The following GPCPD1 variants were observed in gnomAD, a reference collection of about 807,000 sequenced individuals.
GPCPD1 encodes glycerophosphocholine phosphodiesterase 1.
In GPCPD1, 29 loss-of-function variants were observed where a neutral mutation model predicts 89.2. That is an observed-to-expected ratio of 0.33 (90% CI 0.24 to 0.44). The LOEUF (loss-of-function observed/expected upper bound fraction) is 0.44, where lower values mean the gene tolerates loss of function less well. Ranked by LOEUF, GPCPD1 falls within the 20% of genes least tolerant of loss-of-function variation. The probability of loss-of-function intolerance (pLI) is 1.00; values close to 1 mark genes in which losing one functional copy is unlikely to be tolerated. For synonymous variants in GPCPD1, 258 were observed against 266.3 expected (o/e 0.97, Z 0.30); for missense variants, 594 against 808.9 (o/e 0.73, Z 3.22).
chr20:5,576,554 CTA>C, intron 8 of GPCPD1, among the ~76,000 whole-genome samples: 1 of 152,090 alleles, frequency 6.6e-6, no homozygotes, highest in Non-Finnish European at 1.5e-5. Flanking sequence ...GATGGCTTCT[CTA>C]TGATTAAATA....
intron 11 of GPCPD1, among the ~76,000 whole-genome samples, chr20:5,571,764 C>T (rs1164698935): frequency 2.6e-5 from 4 of 152,104 alleles, no homozygotes; most frequent in African/African-American, 4.8e-5. Context: ...CAAAAATTAG[C>T]TGGGCATGGT....
intron 8 of GPCPD1, among the ~76,000 whole-genome samples, chr20:5,577,766 G>C (rs1012304112): frequency 6.6e-6 from 1 of 152,056 alleles, no homozygotes; most frequent in East Asian, 1.9e-4. Context: ...CCACTACCGA[G>C]CCAGGCCCAC....
intron 11 of GPCPD1, among the ~76,000 whole-genome samples, chr20:5,572,114 G>A (rs1281065235): frequency 6.6e-6 from 1 of 151,902 alleles, no homozygotes; most frequent in East Asian, 1.9e-4. Flanking sequence ...AGCTACTTGA[G>A]AGGCCAAAGC....
At chr20:5,575,355 T>A (rs1978286507) in intron 10 of GPCPD1, 58 bp downstream of exon 10, 4 of 1,230,376 alleles carry the variant, frequency 3.3e-6, no homozygotes, top group Non-Finnish European at 4.6e-6. Context: ...AAAACCAGTG[T>A]AACTCTACCG....
Position 5,568,251 on chromosome 20 carries a change from G to GTA in GPCPD1, c.1150-693_1150-692dup, listed in dbSNP as rs200691996. Reference sequence around the variant, plus strand: ...CTTAGTATATATATATATATACTTAGTATATATATATACTAAAATCCATCA... The same window carrying GTA: ...CTTAGTATATATATATATATACTTAGTATATATATATATACTAAAATCCATCA... On this transcript the variant is annotated intron_variant, in intron 12 of 19. Transcript: ENST00000379019. Among the ~76,000 whole-genome samples the GTA allele has an allele frequency of 5.7e-3, 823 of 145,180 alleles. 5 individuals are homozygous for GTA. The highest frequency in any genetic ancestry group is 0.02 in the African/African-American group (765 of 38,386).
At chr20:5,575,572 C>A in intron 9 of GPCPD1, 27 bp from the exon 10 acceptor site, 6 of 1,474,916 alleles carry the variant, frequency 4.1e-6, no homozygotes, top group East Asian at 2.3e-5. Context: ...GAGGGAGGAA[C>A]AAAAATAAAA....
chr20:5,594,252 G>A (rs1053947720), intron 3 of GPCPD1, among the ~76,000 whole-genome samples: 5 of 152,014 alleles, frequency 3.3e-5, no homozygotes, highest in African/African-American at 1.2e-4. Context: ...GAACTCTGGG[G>A]GTGGGGGCCC....
chr20:5,547,555 T>A lies in GPCPD1; in HGVS notation c.*106A>T, dbSNP rs1276726758. On this transcript the variant is annotated 3_prime_UTR_variant, in exon 20 of 20. Transcript: ENST00000379019. Reference sequence around the variant, plus strand: ...AGTTAAATACTTCATTATTGCTTCATTGAACTGAGAAGCCCAAAAGGCATA... The same window carrying A: ...AGTTAAATACTTCATTATTGCTTCAATGAACTGAGAAGCCCAAAAGGCATA... The A allele has an allele frequency of 6.9e-6, 4 of 578,672 alleles. No homozygotes were observed. Among genetic ancestry groups the A allele is most frequent in the Non-Finnish European group, 1.3e-5 (4 of 319,152 alleles). The allele number at this position is 578,672 out of a possible 1,614,324, so 35.8% of individuals were successfully genotyped here.
intron 14 of GPCPD1, among the ~76,000 whole-genome samples, chr20:5,565,860 TA>T (rs1012237145): frequency 1.5e-4 from 22 of 151,702 alleles, no homozygotes; most frequent in Non-Finnish European, 2.8e-4. Context: ...CAATATAGAC[TA>T]AAAAAAAGAA....
chr20:5,610,041 T>C (rs1474304941), intron 1 of GPCPD1, among the ~76,000 whole-genome samples: 1 of 152,168 alleles, frequency 6.6e-6, no homozygotes, highest in African/African-American at 2.4e-5. Flanking sequence ...TCAGTTCCTC[T>C]ATGCAGGTCT....
At chr20:5,598,672 C>T (rs1346128425) in intron 3 of GPCPD1, 53 bp downstream of exon 3, 2 of 1,033,904 alleles carry the variant, frequency 1.9e-6, no homozygotes, top group African/African-American at 1.6e-5. Context: ...AAGCCCCTAA[C>T]ATCATAAGGT....
intron 6 of GPCPD1, among the ~76,000 whole-genome samples, chr20:5,583,573 G>C (rs1242730228): frequency 6.6e-6 from 1 of 152,056 alleles, no homozygotes; most frequent in Non-Finnish European, 1.5e-5. Context: ...AGAATTCTCA[G>C]GATATAGTAT....
At chr20:5,604,275 C>G (rs965994880) in intron 2 of GPCPD1, 89 bp downstream of exon 2, 1 of 742,200 alleles carries the variant, frequency 1.3e-6, no homozygotes, top group African/African-American at 1.8e-5. Context: ...ATCAGGCCCA[C>G]TCTAATAGCA....
intron 19 of GPCPD1, 30 bp downstream of exon 19, chr20:5,557,909 TAAATTC>T (rs1985868585): frequency 8.2e-7 from 1 of 1,226,506 alleles, no homozygotes; most frequent in Non-Finnish European, 1.2e-6. Context: ...TCTATACTTC[TAAATTC>T]CATGAAAATT....
intron 7 of GPCPD1, 80 bp downstream of exon 7, chr20:5,579,928 A>G (rs943759786): frequency 1.2e-5 from 10 of 854,600 alleles, no homozygotes; most frequent in African/African-American, 3.4e-5. Flanking sequence ...TGTACACTTA[A>G]AGGCTAAAAC....
rs199557724 is a variant in GPCPD1 at position 5,558,718 on chromosome 20, A to T, written c.1634T>A (p.Ile545Asn). The change falls in exon 18 of 20, where the codon ATT (isoleucine) becomes AAT (asparagine). Residue 545 changes from isoleucine (I) to asparagine (N), a missense_variant. Transcript: ENST00000379019. Reference sequence around the variant, plus strand: ...TTCAAACTGTGCAAAGCTCATTGCAATGGGGGTTGTCCGAGATCTGAGGTC... The same window carrying T: ...TTCAAACTGTGCAAAGCTCATTGCATTGGGGGTTGTCCGAGATCTGAGGTC... ...LMDLRSRTTP[I>N]AMSFAQFENL... 1.9e-6 allele frequency: 3 copies of T among 1,599,378 alleles called. No individual in the cohort carries two copies. The Admixed American group carries it at 5.3e-5, about 28-fold the overall frequency.
Position 5,565,017 on chromosome 20 carries a change from C to T in GPCPD1, c.1329G>A (p.Met443Ile). The T allele has an allele frequency of 7.0e-7, 1 of 1,422,570 alleles. No individual in the cohort carries two copies. The highest frequency in any genetic ancestry group is 1.2e-5 in the South Asian group (1 of 86,638). The allele number at this position is 1,422,570 out of a possible 1,614,324, so 88.1% of individuals were successfully genotyped here. The change falls in exon 15 of 20, where the codon ATG becomes ATA. Residue 443 changes from methionine to isoleucine, a missense_variant and splice_region_variant. Physicochemically the swap from Met to Ile is conservative, Grantham distance 10 (BLOSUM62 1). Transcript: ENST00000379019. ...GCCTTGGTTTTCCTCAATAACTTAC[C>T]ATCTTAAGAGAAGGAAATGGCTGAT... ...SENQPFPSLK[M>I]VLESLPEDVG...
intron 15 of GPCPD1, among the ~76,000 whole-genome samples, chr20:5,563,856 A>G (rs6076852): frequency 0.26 from 39,522 of 152,106 alleles, 6,582 homozygotes; most frequent in South Asian, 0.37. Flanking sequence ...AATCTTCATT[A>G]TGGTCACTTC....
Position 5,604,379 on chromosome 20 carries a change from C to A in GPCPD1, c.34G>T (p.Gly12Ter). Reference sequence around the variant, plus strand: ...TTTACAATACCTGGTAAAAGAGTTCCTCTTATTTCAAAGGCAACCTGAGAA... The same window carrying A: ...TTTACAATACCTGGTAAAAGAGTTCATCTTATTTCAAAGGCAACCTGAGAA... ...TPSQVAFEIR[G>*]TLLPGEVFAI... The change falls in exon 2 of 20, where the codon GGA (glycine) becomes TGA (stop). Residue 12 changes from glycine (G) to a stop codon, truncating the protein, a stop_gained. Coordinates refer to ENST00000379019, the MANE Select transcript of GPCPD1 (RefSeq NM_019593.5). LOFTEE classifies it high-confidence loss of function. 1 of 1,525,026 alleles carries A rather than the reference C, an allele frequency of 6.6e-7. No individual in the cohort carries two copies. Among genetic ancestry groups the A allele is most frequent in the South Asian group, 1.1e-5 (1 of 87,684 alleles). The allele number at this position is 1,525,026 out of a possible 1,614,324, so 94.5% of individuals were successfully genotyped here.
Sources: gnomAD v4.1 joint callset for allele counts (sites outside exome capture counted in the v4.1 genomes callset) on GRCh38, gnomAD v4.1.1 for gene constraint, MANE v1.5 for transcripts, NCBI Gene and HGNC (gene_info 2026-07-23, HGNC 2026-07-21) for gene names.